Variants in ARL15 observed in about 807,000 individuals in gnomAD.
ARL15 encodes the protein ADP-ribosylation factor-like protein 15.
A neutral mutation model predicts 25.2 loss-of-function variants in ARL15; 19 were observed. The ratio of observed to expected loss-of-function variants is 0.75; its 90% confidence interval spans 0.53 to 1.10. The LOEUF is 1.10. Among genes scored for constraint, ARL15 ranks in the 50% least tolerant of loss-of-function variants. The probability of loss-of-function intolerance (pLI) is 0.00; values close to 1 mark genes in which losing one functional copy is unlikely to be tolerated. For synonymous variants in ARL15, 94 were observed against 86.8 expected (o/e 1.08, Z -0.46); for missense variants, 220 against 246.0 (o/e 0.89, Z 0.71).
intron 1 of ARL15, among the ~76,000 whole-genome samples, chr5:54,225,798 C>G (rs541326197): frequency 6.6e-6 from 1 of 152,090 alleles, no homozygotes; most frequent in South Asian, 2.1e-4. Context: ...GAGAAGTAGG[C>G]TGGAAATACA....
chr5:54,289,090 G>A (rs1758255579), intron 1 of ARL15, among the ~76,000 whole-genome samples: 1 of 152,188 alleles, frequency 6.6e-6, no homozygotes, highest in Admixed American at 6.5e-5. Context: ...ATGCCCCAGG[G>A]TGGCAAGTGT....
chr5:54,139,634 C>T (rs764806675), intron 3 of ARL15, among the ~76,000 whole-genome samples: 12 of 151,938 alleles, frequency 7.9e-5, no homozygotes, highest in Non-Finnish European at 1.8e-4. Flanking sequence ...TCCATGTAAC[C>T]AAAAACCACT....
chr5:54,298,986 C>G (rs1758543351), intron 1 of ARL15, among the ~76,000 whole-genome samples: 1 of 151,936 alleles, frequency 6.6e-6, no homozygotes, highest in Admixed American at 6.6e-5. Context: ...TCATTGCAGA[C>G]TCAACATCCC....
intron 3 of ARL15, among the ~76,000 whole-genome samples, chr5:54,153,736 C>CA (rs1754138024): frequency 1.3e-5 from 2 of 152,126 alleles, no homozygotes; most frequent in African/African-American, 4.8e-5. Flanking sequence ...AAGAAGGTAC[C>CA]AAACGCTATT....
At position 53,964,600 on chromosome 5, in the gene ARL15, T is replaced by C. The variant is rs181416368; in HGVS notation, c.463-77887A>G. Among the ~76,000 whole-genome samples the C allele has an allele frequency of 2.6e-4, 39 of 152,292 alleles. 1 individual carries two copies. In the East Asian group the frequency reaches 7.4e-3, roughly 29 times the overall value. ...TGGTCTTGATCTCCTGACCTCGTGA[T>C]CCGCCCACCTTGGCCTCCCAAAGTG... On this transcript the variant is annotated intron_variant, in intron 4 of 4. Coordinates refer to ENST00000504924, the MANE Select transcript of ARL15 (RefSeq NM_019087.3).
At chr5:54,232,527 C>T (rs1419056336) in intron 1 of ARL15, among the ~76,000 whole-genome samples, 2 of 152,086 alleles carry the variant, frequency 1.3e-5, no homozygotes, top group Non-Finnish European at 2.9e-5. Context: ...ATTTGAAAGG[C>T]TGCACAGGAG....
chr5:54,136,285 T>A (rs1316175242), intron 3 of ARL15, among the ~76,000 whole-genome samples: 1 of 152,218 alleles, frequency 6.6e-6, no homozygotes, highest in Non-Finnish European at 1.5e-5. Flanking sequence ...ATACCTTCAA[T>A]AGCCAGCTAC....
At chr5:54,166,149 G>A (rs1180492422) in intron 2 of ARL15, among the ~76,000 whole-genome samples, 1 of 151,990 alleles carries the variant, frequency 6.6e-6, no homozygotes, top group Non-Finnish European at 1.5e-5. Flanking sequence ...ATTTTATTAT[G>A]ATGTGCCTTG....
chr5:53,887,335 T>C, intron 4 of ARL15: 1 of 699,978 alleles, frequency 1.4e-6, no homozygotes, highest in Non-Finnish European at 2.6e-6. Context: ...AATTTACATA[T>C]ATGCGTAAAA....
chr5:53,911,991 A>G (rs999456894), intron 4 of ARL15: 2 of 151,640 alleles, frequency 1.3e-5, no homozygotes, highest in Admixed American at 1.3e-4. Context: ...CGAAGTCTCT[A>G]TATACCTTAC....
At chr5:54,119,140 G>A (rs970768985) in intron 3 of ARL15, among the ~76,000 whole-genome samples, 4 of 152,228 alleles carry the variant, frequency 2.6e-5, no homozygotes, top group Middle Eastern at 3.4e-3. Context: ...TCTTTGCACA[G>A]CTCCAGTTAA....
intron 2 of ARL15, among the ~76,000 whole-genome samples, chr5:54,159,088 C>G (rs1458208351): frequency 6.6e-6 from 1 of 152,110 alleles, no homozygotes; most frequent in East Asian, 1.9e-4. Context: ...TTATAAATAA[C>G]CCAACACCTA....
chr5:54,045,574 C>G (rs1260200190), intron 4 of ARL15, among the ~76,000 whole-genome samples: 1 of 148,610 alleles, frequency 6.7e-6, no homozygotes, highest in African/African-American at 2.5e-5. Flanking sequence ...TACCTTAGAG[C>G]AAACAAGTTA....
chr5:54,102,175 G>C (rs1752458878), intron 4 of ARL15, among the ~76,000 whole-genome samples: 1 of 151,826 alleles, frequency 6.6e-6, no homozygotes, highest in Admixed American at 6.6e-5. Flanking sequence ...ACCACGCCCG[G>C]CTAATTTTTG....
chr5:54,087,315 G>C (rs1390372230), intron 4 of ARL15, among the ~76,000 whole-genome samples: 1 of 151,798 alleles, frequency 6.6e-6, no homozygotes, highest in Non-Finnish European at 1.5e-5. Context: ...GCGACAGAGC[G>C]AGGCTCCATC....
At chr5:54,076,060 TACA>T (rs913210637) in intron 4 of ARL15, among the ~76,000 whole-genome samples, 3 of 152,040 alleles carry the variant, frequency 2.0e-5, no homozygotes, top group Non-Finnish European at 4.4e-5. Context: ...ACAGAGTTGG[TACA>T]ACGATTAAAT....
intron 4 of ARL15, among the ~76,000 whole-genome samples, chr5:54,014,772 C>T (rs1579700500): frequency 6.6e-6 from 1 of 151,846 alleles, no homozygotes; most frequent in Non-Finnish European, 1.5e-5. Context: ...GTGATCCACC[C>T]GCCTCGGCCT....
Position 54,221,622 on chromosome 5 carries a change from G to A in ARL15, c.49-49694C>T, listed in dbSNP as rs545426624. Among the ~76,000 whole-genome samples, 32 of 151,250 alleles carry A rather than the reference G, an allele frequency of 2.1e-4. No homozygotes were observed. In the South Asian group the frequency reaches 5.9e-3, roughly 28 times the overall value. ...CACACACATCCATTTTCAAACAAGC[G>A]CTAATAAGAGTCCAGTTGGCTCTGA... On this transcript the variant is annotated intron_variant, in intron 1 of 4. Coordinates refer to ENST00000504924, the MANE Select transcript of ARL15 (RefSeq NM_019087.3).
intron 1 of ARL15, among the ~76,000 whole-genome samples, chr5:54,178,513 T>C (rs1358562971): frequency 6.6e-6 from 1 of 152,176 alleles, no homozygotes; most frequent in Non-Finnish European, 1.5e-5. Context: ...ACTCGATAAA[T>C]ACTTTTTAGA....
Sources: allele counts gnomAD v4.1 joint callset (sites outside exome capture counted in the v4.1 genomes callset), GRCh38; gene constraint gnomAD v4.1.1; transcripts MANE v1.5; gene names NCBI Gene and HGNC (gene_info 2026-07-23, HGNC 2026-07-21).